SLC1A2: variants seen among roughly 807,000 people sequenced by gnomAD.
The protein encoded by SLC1A2 is solute carrier family 1 member 2, also known as excitatory amino acid transporter 2.
SLC1A2 carries 15 observed loss-of-function variants against 48.8 expected under a neutral mutation model. That is an observed-to-expected ratio of 0.31 (90% CI 0.21 to 0.47). The LOEUF (loss-of-function observed/expected upper bound fraction) is 0.47, where lower values mean the gene tolerates loss of function less well. Among genes scored for constraint, SLC1A2 ranks in the 20% least tolerant of loss-of-function variants. The pLI, the probability that SLC1A2 is intolerant of heterozygous loss-of-function variation, is 0.99. For missense variants in SLC1A2, 502 were observed against 730.5 expected (o/e 0.69, Z 3.61); for synonymous variants, 279 against 272.6 (o/e 1.02, Z -0.23).
Position 35,286,742 on chromosome 11 carries a change from C to T in SLC1A2, c.1286+15G>A, listed in dbSNP as rs878934098. 3.8e-6 allele frequency: 6 copies of T among 1,598,246 alleles called. No individual in the cohort carries two copies. Among genetic ancestry groups the T allele is most frequent in the Admixed American group, 3.4e-5 (2 of 59,100 alleles). ...AGGGTAGAGGTTGTTTTGTGTTTTA[C>T]CCCACCCTTCTCACCTTACAGTCAC... is the stretch of plus-strand genomic sequence containing the variant. On this transcript the variant is annotated intron_variant, in intron 8 of 10. Coordinates refer to ENST00000278379, the MANE Select transcript of SLC1A2 (RefSeq NM_004171.4).
intron 1 of SLC1A2, chr11:35,380,427 G>A (rs374318488): frequency 5.0e-6 from 2 of 398,462 alleles, no homozygotes; most frequent in African/African-American, 2.1e-5. Context: ...GCATATGTGC[G>A]AGTTATTCTA....
chr11:35,415,357 A>G (rs1855575073), intron 1 of SLC1A2, among the ~76,000 whole-genome samples: 2 of 152,240 alleles, frequency 1.3e-5, no homozygotes, highest in Non-Finnish European at 2.9e-5. Context: ...TAAGCTTTCA[A>G]TTACTCACAA....
In SLC1A2 at chr11:35,305,928, A is replaced by G. The variant is rs1023229455; in HGVS notation, c.730+146T>C. On this transcript the variant is annotated intron_variant, in intron 5 of 10. Transcript: ENST00000278379. ...CTCTTCCTTAAATCGCTCAGCTCTC[A>G]GTCCCAGTGACCCTCAAATTGCTCC... The G allele has an allele frequency of 4.8e-5, 30 of 627,680 alleles. 1 individual carries two copies. Among genetic ancestry groups the G allele is most frequent in the Admixed American group, 3.0e-5 (1 of 33,782 alleles). The allele number at this position is 627,680 out of a possible 1,614,324, so 38.9% of individuals were successfully genotyped here.
intron 9 of SLC1A2, among the ~76,000 whole-genome samples, chr11:35,280,200 C>T (rs1342975982): frequency 2.0e-5 from 3 of 152,068 alleles, no homozygotes; most frequent in Non-Finnish European, 4.4e-5. Context: ...CGCACTCTGT[C>T]CCCTAGGCTA....
chr11:35,373,382 G>A (rs1854121928), intron 1 of SLC1A2, among the ~76,000 whole-genome samples: 1 of 152,186 alleles, frequency 6.6e-6, no homozygotes, highest in Admixed American at 6.5e-5. Context: ...AAACCCGGTA[G>A]GGATGCCAGT....
At chr11:35,275,307 G>T (rs1850406158) in intron 9 of SLC1A2, among the ~76,000 whole-genome samples, 1 of 152,172 alleles carries the variant, frequency 6.6e-6, no homozygotes, top group African/African-American at 2.4e-5. Flanking sequence ...TTAGGCCATA[G>T]GTCCACTCGG....
intron 3 of SLC1A2, among the ~76,000 whole-genome samples, chr11:35,312,893 A>G (rs551661698): frequency 5.9e-5 from 9 of 152,212 alleles, no homozygotes; most frequent in Non-Finnish European, 7.3e-5. Context: ...TATTTGATCA[A>G]TCCCATAGTT....
chr11:35,323,528 C>T (rs1483063144), intron 1 of SLC1A2, among the ~76,000 whole-genome samples: 3 of 152,164 alleles, frequency 2.0e-5, no homozygotes, highest in Non-Finnish European at 1.5e-5. Context: ...AATTCTTTAA[C>T]ATTTAAAATC....
At chr11:35,335,463 G>A (rs1022693650) in intron 1 of SLC1A2, among the ~76,000 whole-genome samples, 1 of 152,174 alleles carries the variant, frequency 6.6e-6, no homozygotes, top group South Asian at 2.1e-4. Context: ...CCTCTGGCCT[G>A]TAATCACTCA....
intron 1 of SLC1A2, among the ~76,000 whole-genome samples, chr11:35,412,697 G>T (rs959404127): frequency 1.3e-5 from 2 of 152,196 alleles, no homozygotes; most frequent in Non-Finnish European, 2.9e-5. Flanking sequence ...AAGTTAAGTC[G>T]CAACCCTAAA....
intron 9 of SLC1A2, among the ~76,000 whole-genome samples, chr11:35,274,631 A>G (rs973127631): frequency 2.0e-5 from 3 of 152,166 alleles, no homozygotes; most frequent in African/African-American, 7.2e-5. Flanking sequence ...TCAGATGAGC[A>G]TGCTTGGAAC....
intron 1 of SLC1A2, among the ~76,000 whole-genome samples, chr11:35,361,575 T>C (rs1474576120): frequency 6.6e-6 from 1 of 152,100 alleles, no homozygotes; most frequent in East Asian, 1.9e-4. Context: ...AAATCTCCCA[T>C]ATCATGGCAA....
chr11:35,366,809 T>C (rs1853865810), intron 1 of SLC1A2, among the ~76,000 whole-genome samples: 1 of 152,136 alleles, frequency 6.6e-6, no homozygotes, highest in Admixed American at 6.5e-5. Flanking sequence ...TCCCCTCTGG[T>C]TTAAGAGAGG....
intron 1 of SLC1A2, among the ~76,000 whole-genome samples, chr11:35,385,612 C>T (rs12289615): frequency 0.011 from 1,687 of 152,230 alleles, 17 homozygotes; most frequent in Middle Eastern, 0.027. Flanking sequence ...TGAGCCAGGC[C>T]GGCCATCTGC....
intron 1 of SLC1A2, among the ~76,000 whole-genome samples, chr11:35,387,504 C>T (rs115638649): frequency 0.019 from 2,834 of 152,286 alleles, 80 homozygotes; most frequent in African/African-American, 0.065. Context: ...TGTTTTCTGA[C>T]TATGTCCCAG....
intron 3 of SLC1A2, among the ~76,000 whole-genome samples, chr11:35,313,566 G>A (rs1000350205): frequency 9.9e-5 from 15 of 152,168 alleles, no homozygotes; most frequent in African/African-American, 3.6e-4. Flanking sequence ...TATGGGGGAA[G>A]AAGTTAGTGA....
At chr11:35,369,983 T>C (rs1237832903) in intron 1 of SLC1A2, among the ~76,000 whole-genome samples, 1 of 152,066 alleles carries the variant, frequency 6.6e-6, no homozygotes, top group Non-Finnish European at 1.5e-5. Context: ...ACTCACAAAA[T>C]TGGGTGGGGG....
At chr11:35,368,323 A>C (rs998536418) in intron 1 of SLC1A2, among the ~76,000 whole-genome samples, 1 of 152,184 alleles carries the variant, frequency 6.6e-6, no homozygotes, top group Non-Finnish European at 1.5e-5. Flanking sequence ...GTCCTGCTTT[A>C]CCACTTCCTA....
intron 1 of SLC1A2, among the ~76,000 whole-genome samples, chr11:35,383,616 A>G (rs2135213191): frequency 6.6e-6 from 1 of 152,312 alleles, no homozygotes; most frequent in South Asian, 2.1e-4. Flanking sequence ...TTCCCACCTC[A>G]TGGGGTTGTT....
Sources: gnomAD v4.1 joint callset for allele counts (sites outside exome capture counted in the v4.1 genomes callset) on GRCh38, gnomAD v4.1.1 for gene constraint, MANE v1.5 for transcripts, NCBI Gene and HGNC (gene_info 2026-07-23, HGNC 2026-07-21) for gene names.